GTSE1: variants seen among roughly 807,000 people sequenced by gnomAD.
GTSE1 encodes the protein G2 and S phase-expressed protein 1.
In GTSE1, 52 loss-of-function variants were observed where a neutral mutation model predicts 60.5. The ratio of observed to expected loss-of-function variants is 0.86; its 90% CI spans 0.69 to 1.08. The LOEUF is 1.08. GTSE1 is among the 50% of genes least tolerant of loss of function. GTSE1 has a pLI of 0.00. For synonymous variants in GTSE1, 368 were observed against 386.5 expected, an observed-to-expected ratio of 0.95 and a Z score of 0.56; for missense variants, 937 against 961.8, an observed-to-expected ratio of 0.97 and a Z score of 0.34.
intron 2 of GTSE1, among the ~76,000 whole-genome samples, chr22:46,302,474 A>T (rs1334083442): frequency 6.6e-6 from 1 of 150,868 alleles, no homozygotes; most frequent in Non-Finnish European, 1.5e-5. Context: ...TCCCAGGCTC[A>T]TGCGATCCTC....
Position 46,297,067 on chromosome 22 carries a change from C to T in GTSE1, c.-22+136C>T. On this transcript the variant is annotated intron_variant, in intron 1 of 11. Coordinates refer to ENST00000454366, the MANE Select transcript of GTSE1 (RefSeq NM_016426.7). This position sits in a 1 kb window ranked among gnomAD's most constrained non-coding sequence, Gnocchi z 4.9. ...GGGCTCGAGCAGGGGTCACTGAGGC[C>T]CCTCGCGCCGTGGTCGGGGATGCCG... The T allele has an allele frequency of 3.6e-6, 1 of 281,086 alleles. No individual in the cohort carries two copies. Among genetic ancestry groups the T allele is most frequent in the South Asian group, 3.6e-5 (1 of 27,836 alleles). The allele number at this position is 281,086 out of a possible 1,614,324, so 17.4% of individuals were successfully genotyped here.
In GTSE1 at chr22:46,313,940, C is replaced by T. The variant is rs775289046; in HGVS notation, c.978C>T (p.Leu326=). 4.3e-6 allele frequency: 7 copies of T among 1,614,192 alleles called. No individual in the cohort carries two copies. Among genetic ancestry groups the T allele is most frequent in the Admixed American group, 1.7e-5 (1 of 60,022 alleles). ...LLKAPGSTSN[L]ARKSSSGPVW... The stretch of plus-strand genomic sequence containing the variant: ...AAGCACCCGGCTCTACCAGCAATCT[C>T]GCAAGGAAGTCCTCCTCGGGGCCTG... The change falls in exon 6 of 12, where the codon CTC becomes CTT. Residue 326 remains leucine (L), a synonymous_variant. Coordinates refer to ENST00000454366, the MANE Select transcript of GTSE1 (RefSeq NM_016426.7). This position sits in a 1 kb window ranked among gnomAD's most constrained non-coding sequence, Gnocchi z 4.4.
rs184163349 is a variant in GTSE1, at chr22:46,307,606, C to T, written c.80-544C>T. Among the ~76,000 whole-genome samples, 280 of 152,084 alleles carry T rather than the reference C, an allele frequency of 1.8e-3. 1 individual carries two copies. Among genetic ancestry groups the T allele is most frequent in the African/African-American group, 6.5e-3 (269 of 41,470 alleles). On this transcript the variant is annotated intron_variant, in intron 2 of 11. Transcript: ENST00000454366. ...GCAACTTCCACCTCCTGGGTTCAAG[C>T]GATTCTCCTGCCTCAGCCTCCGAGT... is the stretch of plus-strand genomic sequence containing the variant.
chr22:46,311,318 T>C (rs949367577), intron 4 of GTSE1, among the ~76,000 whole-genome samples: 6 of 152,176 alleles, frequency 3.9e-5, no homozygotes, highest in Non-Finnish European at 7.3e-5. Context: ...CCTCAGGTGA[T>C]CTGCCCGCCT....
intron 8 of GTSE1, 131 bp downstream of exon 8, chr22:46,323,393 G>A: frequency 1.4e-6 from 1 of 740,068 alleles, no homozygotes; most frequent in Non-Finnish European, 2.4e-6. Flanking sequence ...TTGGGTGCAG[G>A]CCGAGCTCCT....
At chr22:46,301,451 G>A (rs919343715) in intron 2 of GTSE1, among the ~76,000 whole-genome samples, 3 of 150,854 alleles carry the variant, frequency 2.0e-5, no homozygotes, top group South Asian at 2.1e-4. Flanking sequence ...TCATATAGGC[G>A]AAAACTGCAT....
rs1190906075 is a variant in GTSE1, at chr22:46,313,680, T to C, written c.928-210T>C. On this transcript the variant is annotated intron_variant, in intron 5 of 11. Transcript: ENST00000454366. This position sits in a 1 kb window ranked among gnomAD's most constrained non-coding sequence, Gnocchi z 4.4. ...CCTGCCACCATGCCCAGCTAGTTTT[T>C]ATATTTTTAGTAGAGACAAGGTTTC... 6.6e-6 allele frequency among the ~76,000 whole-genome samples: 1 copy of C among 152,148 alleles called. No homozygotes were observed. The highest frequency in any genetic ancestry group is 1.5e-5 in the Non-Finnish European group (1 of 68,018).
At position 46,308,865 on chromosome 22, in the gene GTSE1, G is replaced by T; in HGVS notation, c.684G>T (p.Gln228His). The change falls in exon 4 of 12, where the codon CAG becomes CAT. Residue 228 changes from glutamine to histidine, a missense_variant. Gln to His is a conservative substitution (Grantham distance 24). Transcript: ENST00000454366. Reference protein sequence around the residue: ...TAHAASQAATQRKPGTKLLLP... With the variant: ...TAHAASQAATHRKPGTKLLLP... The stretch of plus-strand genomic sequence containing the variant: ...ATGCTGCAAGTCAGGCAGCGACTCA[G>T]AGGAAGCCCGGGACCAAATTGCTGC... The T allele has an allele frequency of 6.2e-7, 1 of 1,613,268 alleles. No individual in the cohort carries two copies. Among genetic ancestry groups the T allele is most frequent in the Non-Finnish European group, 8.5e-7 (1 of 1,180,038 alleles).
chr22:46,329,915 T>G lies in GTSE1; in HGVS notation c.2137-132T>G, dbSNP rs2077866488. On this transcript the variant is annotated intron_variant, in intron 11 of 11. Coordinates refer to ENST00000454366, the MANE Select transcript of GTSE1 (RefSeq NM_016426.7). The surrounding 1 kb of genome is among the most constrained non-coding windows in gnomAD (Gnocchi z 6.4). Reference sequence around the variant, plus strand: ...GCTTCTTAGACGTGGTGGCCCAGAGTGCTTTTCAGTGCACCCGAGCCAGGA... The same window carrying G: ...GCTTCTTAGACGTGGTGGCCCAGAGGGCTTTTCAGTGCACCCGAGCCAGGA... 4 of 661,720 alleles carry G rather than the reference T, an allele frequency of 6.0e-6. No homozygotes were observed. Among genetic ancestry groups the G allele is most frequent in the Non-Finnish European group, 1.1e-5 (4 of 363,420 alleles). 41.0% of individuals were successfully genotyped at this position (661,720 alleles called of 1,614,324 possible). A position where few individuals can be genotyped will look rare whatever the true frequency, so the allele number is the denominator to read the frequency against.
intron 6 of GTSE1, among the ~76,000 whole-genome samples, chr22:46,315,193 G>A (rs1433267683): frequency 6.6e-6 from 1 of 152,050 alleles, no homozygotes; most frequent in Non-Finnish European, 1.5e-5. Flanking sequence ...CAAGTAGCTG[G>A]GACTACAGGC....
intron 7 of GTSE1, among the ~76,000 whole-genome samples, chr22:46,322,930 G>A (rs2077821840): frequency 6.6e-6 from 1 of 152,184 alleles, no homozygotes; most frequent in Non-Finnish European, 1.5e-5. Context: ...AGTGAAGATG[G>A]CTCTTCTCTT....
In GTSE1 at chr22:46,329,458, C is replaced by A; in HGVS notation, c.2027C>A (p.Pro676Gln). 6.2e-7 allele frequency: 1 copy of A among 1,614,116 alleles called. No individual in the cohort carries two copies. Reference protein sequence around the residue: ...DLPLIDFCDTPEAHVAVGSES... With the variant: ...DLPLIDFCDTQEAHVAVGSES... ...CCTCTCATCGACTTCTGCGATACCC[C>A]AGAAGCACACGTGGCTGTAGGATCT... is the stretch of plus-strand genomic sequence containing the variant. The change falls in exon 11 of 12, where the codon CCA becomes CAA. Residue 676 changes from proline to glutamine, a missense_variant. Physicochemically the swap from Pro to Gln is moderately conservative, Grantham distance 76. Coordinates refer to ENST00000454366, the MANE Select transcript of GTSE1 (RefSeq NM_016426.7). The surrounding 1 kb of genome is among the most constrained non-coding windows in gnomAD (Gnocchi z 6.4).
chr22:46,309,756 T>G lies in GTSE1; in HGVS notation c.762+813T>G, dbSNP rs1247514203. Among the ~76,000 whole-genome samples the G allele has an allele frequency of 6.6e-6, 1 of 152,154 alleles. No homozygotes were observed. Among genetic ancestry groups the G allele is most frequent in the African/African-American group, 2.4e-5 (1 of 41,434 alleles). On this transcript the variant is annotated intron_variant, in intron 4 of 11. Coordinates refer to ENST00000454366, the MANE Select transcript of GTSE1 (RefSeq NM_016426.7). This position sits in a 1 kb window ranked among gnomAD's most constrained non-coding sequence, Gnocchi z 6.2. ...GCAGCCGCCACGCCACACACTGCCCTTGACAAGGAGGTATGCCCGGCACTG... is the reference window on the plus strand; with the variant it reads ...GCAGCCGCCACGCCACACACTGCCCGTGACAAGGAGGTATGCCCGGCACTG...
At position 46,328,754 on chromosome 22, in the gene GTSE1, G is replaced by A. The variant is rs972255276; in HGVS notation, c.1791G>A (p.Arg597=). 2.5e-6 allele frequency: 4 copies of A among 1,613,780 alleles called. No individual in the cohort carries two copies. In the African/African-American group the frequency reaches 4.0e-5, roughly 16 times the overall value. ...GGCTGGTGGATGTGTCCCCTGACAG[G>A]GGTTCTCCTCCTTCCCGTGTGCCTC... ...DSRLVDVSPD[R]GSPPSRVPQA... is the part of the protein sequence containing the mutation. The change falls in exon 10 of 12, where the codon AGG becomes AGA. Residue 597 remains arginine, a synonymous_variant. Coordinates refer to ENST00000454366, the MANE Select transcript of GTSE1 (RefSeq NM_016426.7).
chr22:46,323,249 A>G lies in GTSE1; in HGVS notation c.1492A>G (p.Thr498Ala). Residue 498 changes from threonine (T) to alanine (A), a missense_variant, in exon 8 of 12, where the codon ACG (threonine) becomes GCG (alanine). By Grantham distance (58) the Thr-to-Ala change is moderately conservative. Coordinates refer to ENST00000454366, the MANE Select transcript of GTSE1 (RefSeq NM_016426.7). The stretch of plus-strand genomic sequence containing the variant: ...GCGGGCACAGCGGCCGCAGTCGTGC[A>G]CGTCAGTTGGCAGGTGAGTGACGTT... ...LSRAQRPQSC[T>A]SVGRVTVHST... 6.2e-7 allele frequency: 1 copy of G among 1,613,492 alleles called. No individual in the cohort carries two copies.
rs1376488072 is a variant in GTSE1 at position 46,304,847 on chromosome 22, T to G, written c.80-3303T>G. Among the ~76,000 whole-genome samples, 1 of 152,170 alleles carries G rather than the reference T, an allele frequency of 6.6e-6. No homozygotes were observed. The highest frequency in any genetic ancestry group is 1.5e-5 in the Non-Finnish European group (1 of 68,030). On this transcript the variant is annotated intron_variant, in intron 2 of 11. Coordinates refer to ENST00000454366, the MANE Select transcript of GTSE1 (RefSeq NM_016426.7). The surrounding 1 kb of genome is among the most constrained non-coding windows in gnomAD (Gnocchi z 4.4). Reference sequence around the variant, plus strand: ...TACAAATATTAGCCAGGGATGGTTGTGCGTGCCTGTAGTCCCAGCTACTCG... The same window carrying G: ...TACAAATATTAGCCAGGGATGGTTGGGCGTGCCTGTAGTCCCAGCTACTCG...
intron 2 of GTSE1, among the ~76,000 whole-genome samples, chr22:46,300,654 G>T (rs1162923900): frequency 6.6e-6 from 1 of 152,170 alleles, no homozygotes; most frequent in Non-Finnish European, 1.5e-5. Context: ...AGCCTGCCTG[G>T]CACCTAGCGA....
chr22:46,311,407 A>G (rs931178021), intron 4 of GTSE1, among the ~76,000 whole-genome samples: 14 of 152,226 alleles, frequency 9.2e-5, no homozygotes, highest in Non-Finnish European at 7.3e-5. Flanking sequence ...GGACACCACT[A>G]TATTTTAAGA....
At chr22:46,307,182 C>T (rs989275791) in intron 2 of GTSE1, among the ~76,000 whole-genome samples, 2 of 152,168 alleles carry the variant, frequency 1.3e-5, no homozygotes, top group Non-Finnish European at 2.9e-5. Context: ...GGGTGGGGTA[C>T]AGAGTAATTT....
Sources: gnomAD v4.1 joint callset for allele counts (sites outside exome capture counted in the v4.1 genomes callset) on GRCh38, gnomAD v4.1.1 for gene constraint, Gnocchi (gnomAD v3.1) non-coding constraint, MANE v1.5 for transcripts, NCBI Gene and HGNC (gene_info 2026-07-23, HGNC 2026-07-21) for gene names.